JDP2: variants seen among roughly 807,000 people sequenced by gnomAD.
JDP2 encodes the protein Jun dimerization protein 2.
Under a neutral mutation model 17.1 loss-of-function variants are expected in JDP2, and 9 were observed. The observed-to-expected ratio is 0.53, with a 90% CI of 0.32 to 0.92. JDP2 has a LOEUF of 0.92. Ranked by LOEUF, JDP2 falls within the 40% of genes least tolerant of loss-of-function variation. The probability of loss-of-function intolerance (pLI) is 0.04; values close to 1 mark genes in which losing one functional copy is unlikely to be tolerated. For missense variants in JDP2, 179 were observed against 220.0 expected, an observed-to-expected ratio of 0.81 and a Z score of 1.18; for synonymous variants, 107 against 95.6, an observed-to-expected ratio of 1.12 and a Z score of -0.69.
intron 2 of JDP2, among the ~76,000 whole-genome samples, chr14:75,458,896 G>A (rs1356238961): frequency 6.6e-6 from 1 of 152,228 alleles, no homozygotes; most frequent in Non-Finnish European, 1.5e-5. Context: ...ACTAGAGGGT[G>A]ATGCAGGAGG....
chr14:75,427,320 G>A (rs1419531295), upstream of JDP2: 4 of 152,582 alleles, frequency 2.6e-5, no homozygotes, highest in Admixed American at 6.5e-5. This position sits in a 1 kb window ranked among gnomAD's most constrained non-coding sequence, Gnocchi z 4.4. Flanking sequence ...TGCAGCCCTA[G>A]CAGAGGTCAG....
chr14:75,466,537 A>G (rs758604927), intron 3 of JDP2, among the ~76,000 whole-genome samples: 3 of 152,222 alleles, frequency 2.0e-5, no homozygotes, highest in Non-Finnish European at 4.4e-5. Flanking sequence ...CACAGAATAT[A>G]ATGTTCTTTG....
chr14:75,442,528 A>G lies in JDP2; in HGVS notation c.201+4407A>G, dbSNP rs576906253. ...TTGTTTGAACATTATGAGCTGTGTC[A>G]ACTTGGCAAGTCACTTAAACTTTAT... is the stretch of plus-strand genomic sequence containing the variant. On this transcript the variant is annotated intron_variant, in intron 2 of 3. Coordinates refer to ENST00000651602, the MANE Select transcript of JDP2 (RefSeq NM_001135048.2). Among the ~76,000 whole-genome samples, 5 of 152,332 alleles carry G rather than the reference A, an allele frequency of 3.3e-5. No homozygotes were observed. The East Asian group carries it at 7.7e-4, about 23-fold the overall frequency.
At chr14:75,440,156 C>CT (rs879798167) in intron 2 of JDP2, among the ~76,000 whole-genome samples, 1 of 152,214 alleles carries the variant, frequency 6.6e-6, no homozygotes, top group Non-Finnish European at 1.5e-5. Flanking sequence ...CACCCACAGA[C>CT]GTGCACCATC....
At chr14:75,446,083 C>G (rs1885587251) in intron 2 of JDP2, among the ~76,000 whole-genome samples, 1 of 152,032 alleles carries the variant, frequency 6.6e-6, no homozygotes, top group Admixed American at 6.6e-5. Flanking sequence ...CAAGGAAATA[C>G]AAGTCAAAAA....
chr14:75,445,445 G>T, intron 2 of JDP2: 1 of 985,286 alleles, frequency 1.0e-6, no homozygotes. Flanking sequence ...AAACTCCTCC[G>T]TGGTTTGCCT....
intron 2 of JDP2, among the ~76,000 whole-genome samples, chr14:75,453,349 C>A (rs1885956204): frequency 6.6e-6 from 1 of 152,222 alleles, no homozygotes; most frequent in Non-Finnish European, 1.5e-5. Context: ...CTGTGTGAGG[C>A]CTGAGGCTAG....
intron 1 of JDP2, among the ~76,000 whole-genome samples, chr14:75,437,051 G>A (rs1329506036): frequency 1.3e-5 from 2 of 152,070 alleles, no homozygotes; most frequent in Non-Finnish European, 2.9e-5. Context: ...AAAATTAGCT[G>A]GGCGTGGTGG....
At chr14:75,461,648 A>G (rs1594973510) in intron 3 of JDP2, 118 bp downstream of exon 3, 1 of 783,876 alleles carries the variant, frequency 1.3e-6, no homozygotes, top group East Asian at 2.7e-5. Flanking sequence ...GGCAGCTGCC[A>G]AAGCAGCCTT....
chr14:75,459,115 C>A (rs1446944870), intron 2 of JDP2, among the ~76,000 whole-genome samples: 1 of 152,154 alleles, frequency 6.6e-6, no homozygotes, highest in Admixed American at 6.5e-5. Flanking sequence ...GTTGGTTGCT[C>A]AGGGGAGGAC....
At chr14:75,461,299 G>C (rs997561646) in intron 2 of JDP2, 127 bp from the exon 3 acceptor site, 17 of 684,708 alleles carry the variant, frequency 2.5e-5, no homozygotes, top group African/African-American at 2.1e-4. Context: ...GCTGGCAGAA[G>C]TGATCACTTG....
chr14:75,445,461 G>A, intron 2 of JDP2: 1 of 985,384 alleles, frequency 1.0e-6, no homozygotes, highest in Non-Finnish European at 1.2e-6. Flanking sequence ...TGCCTCTGTA[G>A]TCCTCCCTAC....
intron 1 of JDP2, chr14:75,432,375 A>G: frequency 1.3e-6 from 2 of 1,546,072 alleles, no homozygotes; most frequent in Non-Finnish European, 1.8e-6. Flanking sequence ...CACCTTTCTG[A>G]CCTTCTCTGT....
At chr14:75,457,405 C>T (rs1027762335) in intron 2 of JDP2, among the ~76,000 whole-genome samples, 1 of 152,214 alleles carries the variant, frequency 6.6e-6, no homozygotes, top group Non-Finnish European at 1.5e-5. Context: ...GCCATGTTAG[C>T]TGTGGGGCAT....
chr14:75,445,661 T>A, intron 2 of JDP2: 2 of 881,922 alleles, frequency 2.3e-6, no homozygotes, highest in Non-Finnish European at 2.7e-6. Context: ...TATACATATA[T>A]TATCTCAAAA....
intron 2 of JDP2, among the ~76,000 whole-genome samples, chr14:75,458,788 C>T (rs1453937833): frequency 2.0e-5 from 3 of 152,132 alleles, no homozygotes; most frequent in East Asian, 1.9e-4. Flanking sequence ...GATGTTTACT[C>T]TCGAGGTTCA....
At chr14:75,447,750 G>A (rs1277439058) in intron 2 of JDP2, among the ~76,000 whole-genome samples, 1 of 151,960 alleles carries the variant, frequency 6.6e-6, no homozygotes, top group Non-Finnish European at 1.5e-5. Context: ...CTCTGCCTCT[G>A]GGGTTCAAGT....
At position 75,435,449 on chromosome 14, in the gene JDP2, C is replaced by T. The variant is rs115146982; in HGVS notation, c.-23-2449C>T. 2.2e-3 allele frequency among the ~76,000 whole-genome samples: 336 copies of T among 152,324 alleles called. 1 individual carries two copies. Among genetic ancestry groups the T allele is most frequent in the African/African-American group, 7.6e-3 (315 of 41,568 alleles). On this transcript the variant is annotated intron_variant, in intron 1 of 3. Coordinates refer to ENST00000651602, the MANE Select transcript of JDP2 (RefSeq NM_001135048.2). ...GTCCTCTGTGCAAGACAATGACCCT[C>T]TACTGTGGGCTGGTGTCTGAAAGCC... is the stretch of plus-strand genomic sequence containing the variant.
upstream of JDP2, chr14:75,427,109 A>C (rs1884560394): frequency 6.6e-6 from 1 of 152,324 alleles, no homozygotes; most frequent in South Asian, 2.1e-4. This position sits in a 1 kb window ranked among gnomAD's most constrained non-coding sequence, Gnocchi z 4.4. Flanking sequence ...AGTCCCCTTC[A>C]CCATTTCCTC....
Sources: gnomAD v4.1 joint callset for allele counts (sites outside exome capture counted in the v4.1 genomes callset) on GRCh38, gnomAD v4.1.1 for gene constraint, Gnocchi (gnomAD v3.1) non-coding constraint, MANE v1.5 for transcripts, NCBI Gene and HGNC (gene_info 2026-07-23, HGNC 2026-07-21) for gene names.